The following PRKAG2 variants were observed in gnomAD, a reference collection of about 807,000 sequenced individuals.
PRKAG2 encodes the protein 5'-AMP-activated protein kinase subunit gamma-2.
Under a neutral mutation model 69.6 loss-of-function variants are expected in PRKAG2, and 26 were observed. The observed-to-expected ratio is 0.37, with a 90% confidence interval of 0.27 to 0.52. The LOEUF (loss-of-function observed/expected upper bound fraction) is 0.52. Among genes scored for constraint, PRKAG2 ranks in the 20% least tolerant of loss-of-function variants. PRKAG2 has a pLI of 0.90. For missense variants in PRKAG2, 557 were observed against 740.0 expected (o/e 0.75, Z 2.87); for synonymous variants, 293 against 285.0 (o/e 1.03, Z -0.28).
At chr7:151,680,083 C>A (rs545855850) in intron 3 of PRKAG2, among the ~76,000 whole-genome samples, 84 of 152,296 alleles carry the variant, frequency 5.5e-4, no homozygotes, top group African/African-American at 2.0e-3. Context: ...TGAGCCCAAA[C>A]TGCACCCATG....
chr7:151,700,170 G>A (rs947229849), intron 3 of PRKAG2, among the ~76,000 whole-genome samples: 1 of 152,174 alleles, frequency 6.6e-6, no homozygotes, highest in African/African-American at 2.4e-5. Flanking sequence ...ACGTTTAGCA[G>A]CTCCTTCTGC....
chr7:151,782,375 A>AGGGAGGGAGGGAGGGAGGGAG (rs2076751929), intron 2 of PRKAG2, among the ~76,000 whole-genome samples: 1 of 71,112 alleles, frequency 1.4e-5, no homozygotes, highest in Non-Finnish European at 2.9e-5. Flanking sequence ...GAGGGAGGGA[A>AGGGAGGGAGGGAGGGAGGGAG]GGAAAGAAGG....
At chr7:151,750,100 A>G (rs886803543) in intron 3 of PRKAG2, among the ~76,000 whole-genome samples, 2 of 151,146 alleles carry the variant, frequency 1.3e-5, no homozygotes, top group Non-Finnish European at 3.0e-5. Flanking sequence ...CCATCTCAAA[A>G]AAAAAAAAAA....
At chr7:151,701,272 T>A (rs1233915956) in intron 3 of PRKAG2, among the ~76,000 whole-genome samples, 2 of 152,196 alleles carry the variant, frequency 1.3e-5, no homozygotes, top group Non-Finnish European at 2.9e-5. Context: ...TGGCCTCACA[T>A]AGCTATTTCT....
At chr7:151,870,684 G>A (rs2080199775) in intron 1 of PRKAG2, among the ~76,000 whole-genome samples, 1 of 152,216 alleles carries the variant, frequency 6.6e-6, no homozygotes, top group African/African-American at 2.4e-5. Context: ...TCCCAAACTG[G>A]CTCATTCCAG....
intron 5 of PRKAG2, among the ~76,000 whole-genome samples, chr7:151,597,548 A>G (rs185834079): frequency 3.3e-5 from 5 of 152,128 alleles, no homozygotes; most frequent in African/African-American, 1.2e-4. Context: ...TTAATATCCA[A>G]AACAGATTAG....
At position 151,556,212 on chromosome 7, in the gene PRKAG2, A is replaced by G. The variant is rs1172494527; in HGVS notation, c.*989T>C. The G allele has an allele frequency of 6.6e-6, 1 of 151,872 alleles. No homozygotes were observed. The highest frequency in any genetic ancestry group is 6.6e-5 in the Admixed American group (1 of 15,208). 9.4% of individuals were successfully genotyped at this position (151,872 alleles called of 1,614,324 possible). ...AAACAAACTATCCTCATATATATAT[A>G]TACAGTGTCAACATTTTCAGAGCAC... On this transcript the variant is annotated 3_prime_UTR_variant, in exon 16 of 16. Coordinates refer to ENST00000287878, the MANE Select transcript of PRKAG2 (RefSeq NM_016203.4).
At chr7:151,784,448 T>TA (rs2076898415) in intron 2 of PRKAG2, among the ~76,000 whole-genome samples, 2 of 152,056 alleles carry the variant, frequency 1.3e-5, no homozygotes, top group South Asian at 4.1e-4. Context: ...TGCAGATGGA[T>TA]AAATGGCCCG....
chr7:151,739,433 C>T (rs1426634185), intron 3 of PRKAG2, among the ~76,000 whole-genome samples: 1 of 144,686 alleles, frequency 6.9e-6, no homozygotes, highest in Non-Finnish European at 1.5e-5. Flanking sequence ...AAGGCATGAC[C>T]CAGCCTTTAT....
At chr7:151,818,278 T>C (rs1215732740) in intron 1 of PRKAG2, among the ~76,000 whole-genome samples, 2 of 152,134 alleles carry the variant, frequency 1.3e-5, no homozygotes, top group East Asian at 3.9e-4. Context: ...TGAGCACACA[T>C]GTGTAAAAGG....
intron 1 of PRKAG2, among the ~76,000 whole-genome samples, chr7:151,824,502 C>G (rs1368374874): frequency 6.6e-6 from 1 of 152,198 alleles, no homozygotes; most frequent in Non-Finnish European, 1.5e-5. Flanking sequence ...CTAGTAGCCT[C>G]TGTGTGGAGC....
intron 1 of PRKAG2, among the ~76,000 whole-genome samples, chr7:151,789,147 C>T (rs73485964): frequency 0.01 from 1,593 of 152,140 alleles, 23 homozygotes; most frequent in African/African-American, 0.036. Flanking sequence ...CCTTAAGATT[C>T]CACATGAATT....
At chr7:151,679,673 C>T (rs980859580) in intron 3 of PRKAG2, among the ~76,000 whole-genome samples, 2 of 152,154 alleles carry the variant, frequency 1.3e-5, no homozygotes, top group African/African-American at 2.4e-5. Context: ...CTGGGGTCTT[C>T]GTGTGTAAAG....
chr7:151,577,575 A>G (rs927473360), intron 6 of PRKAG2, among the ~76,000 whole-genome samples: 5 of 152,234 alleles, frequency 3.3e-5, no homozygotes, highest in African/African-American at 1.2e-4. Context: ...ATTTTTTCTA[A>G]CACAGCTAGT....
chr7:151,579,472 G>A (rs1277322842), intron 6 of PRKAG2, among the ~76,000 whole-genome samples: 1 of 152,208 alleles, frequency 6.6e-6, no homozygotes, highest in African/African-American at 2.4e-5. Flanking sequence ...AAAGTTCTGA[G>A]TTTGGCATAA....
intron 1 of PRKAG2, among the ~76,000 whole-genome samples, chr7:151,873,824 G>A (rs35555176): frequency 0.25 from 37,488 of 151,874 alleles, 5,012 homozygotes; most frequent in East Asian, 0.36. Context: ...CCACGGGCAC[G>A]CCCACACATC....
chr7:151,685,730 C>T (rs541788590), intron 3 of PRKAG2, among the ~76,000 whole-genome samples: 1 of 150,874 alleles, frequency 6.6e-6, no homozygotes, highest in Admixed American at 6.6e-5. Context: ...AACTGCGCCG[C>T]TGGACTCCAA....
rs2151872460 is a variant in PRKAG2 at position 151,828,753 on chromosome 7, T to G, written c.115-42212A>C. Among the ~76,000 whole-genome samples, 1 of 151,462 alleles carries G rather than the reference T, an allele frequency of 6.6e-6. No homozygotes were observed. The highest frequency in any genetic ancestry group is 2.4e-5 in the African/African-American group (1 of 41,224). ...CTGGACAACACAGCGAGACCCTGTCTTTACAAAAAAAAAAAAAACTTTAAA... is the reference window on the plus strand; with the variant it reads ...CTGGACAACACAGCGAGACCCTGTCGTTACAAAAAAAAAAAAAACTTTAAA... On this transcript the variant is annotated intron_variant, in intron 1 of 15. Coordinates refer to ENST00000287878, the MANE Select transcript of PRKAG2 (RefSeq NM_016203.4). This position sits in a 1 kb window ranked among gnomAD's most constrained non-coding sequence, Gnocchi z 4.6.
chr7:151,636,834 A>G (rs1483347196), intron 4 of PRKAG2, among the ~76,000 whole-genome samples: 3 of 152,100 alleles, frequency 2.0e-5, no homozygotes, highest in Admixed American at 6.5e-5. Flanking sequence ...CCTCCCGAGT[A>G]GCTGGGACTA....
Sources: gnomAD v4.1 joint callset for allele counts (sites outside exome capture counted in the v4.1 genomes callset) on GRCh38, gnomAD v4.1.1 for gene constraint, Gnocchi (gnomAD v3.1) non-coding constraint, MANE v1.5 for transcripts, NCBI Gene and HGNC (gene_info 2026-07-23, HGNC 2026-07-21) for gene names.